The following ECT2 variants were observed in gnomAD, a reference collection of about 807,000 sequenced individuals.
ECT2 encodes the protein epithelial cell transforming 2.
A neutral mutation model predicts 116.9 loss-of-function variants in ECT2; 61 were observed. The ratio of observed to expected loss-of-function variants is 0.52; its 90% CI spans 0.42 to 0.65. ECT2 has a LOEUF of 0.65. ECT2 is among the 30% of genes least tolerant of loss of function. ECT2 has a pLI of 0.00. For missense variants in ECT2, 937 were observed against 1,078.7 expected (o/e 0.87, Z 1.84); for synonymous variants, 358 against 346.4 (o/e 1.03, Z -0.37).
intron 14 of ECT2, among the ~76,000 whole-genome samples, chr3:172,778,257 T>C (rs891601342): frequency 2.6e-5 from 4 of 152,216 alleles, no homozygotes; most frequent in African/African-American, 9.6e-5. Flanking sequence ...TCCGTTCTTT[T>C]AGAGGAAAAG....
At chr3:172,818,390 A>T in intron 24 of ECT2, 1 of 352,672 alleles carries the variant, frequency 2.8e-6, no homozygotes. Context: ...AAACATTTTC[A>T]TCTTTCAAAT....
At chr3:172,779,895 C>CAA (rs60162451) in intron 14 of ECT2, among the ~76,000 whole-genome samples, 2 of 107,054 alleles carry the variant, frequency 1.9e-5, no homozygotes, top group African/African-American at 6.5e-5. Context: ...GACCCTGTCT[C>CAA]AAAAAAAAAA....
At chr3:172,815,515 A>G (rs989143183) in intron 22 of ECT2, 89 bp from the exon 23 acceptor site, 2 of 732,850 alleles carry the variant, frequency 2.7e-6, no homozygotes, top group African/African-American at 3.6e-5. Flanking sequence ...TCATTTATAA[A>G]TACTCCCATA....
chr3:172,788,828 G>A (rs1390252570), intron 18 of ECT2, among the ~76,000 whole-genome samples: 3 of 152,212 alleles, frequency 2.0e-5, no homozygotes, highest in African/African-American at 7.2e-5. Flanking sequence ...GGGAGGCTGA[G>A]GCGGGTGGAT....
intron 14 of ECT2, among the ~76,000 whole-genome samples, chr3:172,777,021 G>A (rs1576916145): frequency 6.6e-6 from 1 of 151,896 alleles, no homozygotes; most frequent in South Asian, 2.1e-4. Flanking sequence ...ACAGGTGTGC[G>A]CCACCACACC....
chr3:172,759,175 G>T, intron 6 of ECT2, 106 bp downstream of exon 6: 1 of 754,306 alleles, frequency 1.3e-6, no homozygotes, highest in South Asian at 2.0e-5. Context: ...AAATATTGAA[G>T]GATAACTTAT....
rs1720105815 is a variant in ECT2 at position 172,769,064 on chromosome 3, A to C, written c.1349A>C (p.Gln450Pro). The change falls in exon 13 of 25, where the codon CAG becomes CCG. Residue 450 changes from glutamine (Q) to proline (P), a missense_variant. By Grantham distance (76) the Gln-to-Pro change is moderately conservative (BLOSUM62 -1). Transcript: ENST00000392692. ...AGCTCCACTCCAGTTCCTTCAAAGCAGTCAGCAAGGTGGCAAGTTGCAAAA... is the reference window on the plus strand; with the variant it reads ...AGCTCCACTCCAGTTCCTTCAAAGCCGTCAGCAAGGTGGCAAGTTGCAAAA... The part of the protein sequence containing the change: ...SKSSTPVPSK[Q>P]SARWQVAKEL... 6.2e-7 allele frequency: 1 copy of C among 1,613,674 alleles called. No homozygotes were observed. The highest frequency in any genetic ancestry group is 8.5e-7 in the Non-Finnish European group (1 of 1,179,682).
intron 22 of ECT2, among the ~76,000 whole-genome samples, chr3:172,808,719 C>T (rs1458561398): frequency 1.3e-5 from 2 of 152,092 alleles, no homozygotes; most frequent in African/African-American, 4.8e-5. Context: ...TGACCCTTTT[C>T]GGTACAATGG....
At chr3:172,808,058 T>C in intron 22 of ECT2, 134 bp downstream of exon 22, 1 of 840,444 alleles carries the variant, frequency 1.2e-6, no homozygotes. Context: ...AAAAAACTGA[T>C]GTAATAAGTT....
chr3:172,761,528 A>T (rs1718295700), intron 7 of ECT2, 82 bp from the exon 8 acceptor site: 1 of 949,336 alleles, frequency 1.1e-6, no homozygotes, highest in Non-Finnish European at 1.6e-6. Flanking sequence ...AAACTGCAAA[A>T]AATTAAGTAT....
At chr3:172,826,590 G>T in the ECT2 span, among the ~76,000 whole-genome samples, 4 of 152,226 alleles carry the variant, frequency 2.6e-5, no homozygotes, top group Admixed American at 6.5e-5. Flanking sequence ...AACTTTGAAA[G>T]AAGTTCTGCT....
At chr3:172,823,715 A>G (rs540491577), downstream of ECT2, among the ~76,000 whole-genome samples, 1 of 152,330 alleles carries the variant, frequency 6.6e-6, no homozygotes, top group South Asian at 2.1e-4. Flanking sequence ...GTCTAAAAAA[A>G]CAATGTTCAT....
At chr3:172,785,575 A>G (rs1403286949) in intron 17 of ECT2, among the ~76,000 whole-genome samples, 1 of 151,662 alleles carries the variant, frequency 6.6e-6, no homozygotes, top group Non-Finnish European at 1.5e-5. Context: ...ATAATAAAAG[A>G]TATAATTCCT....
Position 172,764,492 on chromosome 3 carries a change from A to AT in ECT2, c.1283_1284insT (p.Tyr429LeufsTer10). 6.2e-7 allele frequency: 1 copy of AT among 1,612,886 alleles called. No homozygotes were observed. The highest frequency in any genetic ancestry group is 1.1e-5 in the South Asian group (1 of 91,002). Reference sequence around the variant, plus strand: ...TCCAACACACCAGAGTCTAGCATTAACTATGGAGGTAATTCACATTCTTAA... The same window carrying AT: ...TCCAACACACCAGAGTCTAGCATTAATCTATGGAGGTAATTCACATTCTTAA... On this transcript the variant is annotated frameshift_variant, in exon 12 of 25. Transcript: ENST00000392692. LOFTEE classifies it high-confidence loss of function.
At chr3:172,818,654 C>T in intron 24 of ECT2, 1 of 1,289,318 alleles carries the variant, frequency 7.8e-7, no homozygotes, top group Non-Finnish European at 1.0e-6. Context: ...TGGTTTCAAT[C>T]TGTACGTCAT....
intron 7 of ECT2, among the ~76,000 whole-genome samples, chr3:172,760,846 G>A (rs1434015096): frequency 2.0e-5 from 3 of 147,062 alleles, no homozygotes; most frequent in Middle Eastern, 3.3e-3. Flanking sequence ...TCAGCCTCCC[G>A]AGTAGCTGGG....
At chr3:172,807,712 A>C in intron 21 of ECT2, 58 bp from the exon 22 acceptor site, 3 of 1,539,242 alleles carry the variant, frequency 1.9e-6, no homozygotes, top group Non-Finnish European at 2.6e-6. Flanking sequence ...AAACTTGCAT[A>C]CATCTGTCAT....
the ECT2 span, chr3:172,828,802 G>T: frequency 1.4e-6 from 1 of 709,898 alleles, no homozygotes; most frequent in East Asian, 2.9e-5. Flanking sequence ...ACAGGCCAAC[G>T]CCCAGAATGG....
chr3:172,806,853 G>C (rs1186554952), intron 21 of ECT2, among the ~76,000 whole-genome samples: 1 of 151,490 alleles, frequency 6.6e-6, no homozygotes, highest in East Asian at 1.9e-4. Context: ...ATGTTGGCCG[G>C]GCTGGTCTTG....
Sources: gnomAD v4.1 joint callset for allele counts (sites outside exome capture counted in the v4.1 genomes callset) on GRCh38, gnomAD v4.1.1 for gene constraint, MANE v1.5 for transcripts, NCBI Gene and HGNC (gene_info 2026-07-23, HGNC 2026-07-21) for gene names.